Variants in XKR9 observed in about 807,000 individuals in gnomAD.
XKR9 encodes the protein XK-related protein 9.
Under a neutral mutation model 32.0 loss-of-function variants are expected in XKR9, and 32 were observed. That is an observed-to-expected ratio of 1.00 (90% CI 0.76 to 1.34). The LOEUF is 1.34. Ranked by LOEUF, XKR9 falls within the 40% of genes most tolerant of loss-of-function variation. The probability of loss-of-function intolerance (pLI) is 0.00; values close to 1 mark genes in which losing one functional copy is unlikely to be tolerated. For synonymous variants in XKR9, 168 were observed against 143.4 expected (o/e 1.17, Z -1.22); for missense variants, 546 against 429.7 (o/e 1.27, Z -2.39).
chr8:70,820,183 C>G, the XKR9 span, among the ~76,000 whole-genome samples: 2 of 152,162 alleles, frequency 1.3e-5, no homozygotes, highest in Non-Finnish European at 2.9e-5. Context: ...ATCCTTACCT[C>G]TAAGGATAGT....
chr8:70,767,791 G>A (rs952878596), intron 2 of XKR9, among the ~76,000 whole-genome samples: 4 of 152,020 alleles, frequency 2.6e-5, no homozygotes, highest in East Asian at 3.9e-4. Context: ...ATGAGCCACC[G>A]CACCCAGCCT....
the XKR9 span, among the ~76,000 whole-genome samples, chr8:70,930,434 A>G: frequency 6.6e-6 from 1 of 152,202 alleles, no homozygotes; most frequent in Admixed American, 6.5e-5. Flanking sequence ...TATTTGGGTC[A>G]TAGTTTGCCA....
At chr8:70,836,870 C>T in the XKR9 span, among the ~76,000 whole-genome samples, 1 of 152,008 alleles carries the variant, frequency 6.6e-6, no homozygotes, top group Non-Finnish European at 1.5e-5. Flanking sequence ...CACATCTTTT[C>T]TTCTACTGGT....
At chr8:70,842,468 T>G in the XKR9 span, among the ~76,000 whole-genome samples, 7 of 152,084 alleles carry the variant, frequency 4.6e-5, no homozygotes, top group Non-Finnish European at 1.0e-4. Flanking sequence ...ATAGATGGGT[T>G]AATTGCTATT....
At chr8:70,807,154 T>C in the XKR9 span, among the ~76,000 whole-genome samples, 1 of 152,164 alleles carries the variant, frequency 6.6e-6, no homozygotes, top group Admixed American at 6.5e-5. Flanking sequence ...GAATTTCATA[T>C]CCAGCCAGTA....
At chr8:70,752,717 A>G (rs927369357) in intron 2 of XKR9, among the ~76,000 whole-genome samples, 1 of 152,206 alleles carries the variant, frequency 6.6e-6, no homozygotes, top group Admixed American at 6.5e-5. Context: ...GTTTCATCCA[A>G]CGAGAACAAA....
At chr8:71,000,534 C>T in the XKR9 span, among the ~76,000 whole-genome samples, 1 of 152,064 alleles carries the variant, frequency 6.6e-6, no homozygotes, top group African/African-American at 2.4e-5. Context: ...TCTAAAAAAA[C>T]AAAAAGACTG....
chr8:70,901,924 C>T, the XKR9 span, among the ~76,000 whole-genome samples: 9 of 152,238 alleles, frequency 5.9e-5, no homozygotes, highest in East Asian at 1.5e-3. Flanking sequence ...GAATCCTTTC[C>T]CCATTGCTTG....
chr8:70,738,557 A>G (rs1466740161), downstream of XKR9, among the ~76,000 whole-genome samples: 1 of 150,224 alleles, frequency 6.7e-6, no homozygotes, highest in East Asian at 1.9e-4. Flanking sequence ...TTTAATTGTG[A>G]TGTTAGGGTG....
chr8:70,878,193 G>T, the XKR9 span, among the ~76,000 whole-genome samples: 1 of 152,114 alleles, frequency 6.6e-6, no homozygotes, highest in Non-Finnish European at 1.5e-5. Context: ...ACCAGCTGCT[G>T]CAAAAATAGG....
At chr8:70,812,734 A>C in the XKR9 span, among the ~76,000 whole-genome samples, 33 of 152,334 alleles carry the variant, frequency 2.2e-4, no homozygotes, top group African/African-American at 7.7e-4. Flanking sequence ...CCAACTCACA[A>C]GGGATATGAA....
intron 2 of XKR9, among the ~76,000 whole-genome samples, chr8:70,676,245 G>A (rs994461037): frequency 6.6e-6 from 1 of 152,118 alleles, no homozygotes; most frequent in African/African-American, 2.4e-5. Flanking sequence ...CGTGAGGACA[G>A]CACCAAACCA....
the XKR9 span, among the ~76,000 whole-genome samples, chr8:70,799,942 T>G: frequency 1.3e-5 from 2 of 152,192 alleles, no homozygotes; most frequent in African/African-American, 4.8e-5. Context: ...CTTGAGCTGG[T>G]TTTCAAGGAG....
chr8:70,686,735 T>C (rs1819293443), intron 3 of XKR9, among the ~76,000 whole-genome samples: 1 of 152,156 alleles, frequency 6.6e-6, no homozygotes, highest in Non-Finnish European at 1.5e-5. Context: ...GAATGGTTTC[T>C]GAGGAGAAAG....
intron 2 of XKR9, among the ~76,000 whole-genome samples, chr8:70,771,544 G>A (rs1216354836): frequency 1.3e-5 from 2 of 152,176 alleles, no homozygotes; most frequent in African/African-American, 2.4e-5. Flanking sequence ...TGTCTGTAAG[G>A]AATGTAAAAG....
the XKR9 span, among the ~76,000 whole-genome samples, chr8:71,029,587 T>C: frequency 6.6e-6 from 1 of 152,202 alleles, no homozygotes; most frequent in Non-Finnish European, 1.5e-5. Context: ...AGAGTAAATC[T>C]ATTTTAAAAT....
the XKR9 span, among the ~76,000 whole-genome samples, chr8:70,836,791 C>T: frequency 6.6e-6 from 1 of 151,958 alleles, no homozygotes; most frequent in Non-Finnish European, 1.5e-5. Flanking sequence ...TTATTGGAAA[C>T]CTACAAGGTG....
chr8:70,713,892 A>T (rs977078211), intron 4 of XKR9, among the ~76,000 whole-genome samples: 1 of 152,184 alleles, frequency 6.6e-6, no homozygotes, highest in African/African-American at 2.4e-5. Flanking sequence ...CATACAGAAT[A>T]CTACAGACTG....
chr8:70,889,459 T>C, the XKR9 span, among the ~76,000 whole-genome samples: 4 of 151,938 alleles, frequency 2.6e-5, no homozygotes, highest in Non-Finnish European at 2.9e-5. Flanking sequence ...GTTACCTGGG[T>C]ATAGTGTGTA....
Sources: gnomAD v4.1 joint callset for allele counts (sites outside exome capture counted in the v4.1 genomes callset) on GRCh38, gnomAD v4.1.1 for gene constraint, MANE v1.5 for transcripts, NCBI Gene and HGNC (gene_info 2026-07-23, HGNC 2026-07-21) for gene names.